NFKB1: variants seen among roughly 807,000 people sequenced by gnomAD.
The protein encoded by NFKB1 is nuclear factor NF-kappa-B p105 subunit.
Under a neutral mutation model 105.1 loss-of-function variants are expected in NFKB1, and 9 were observed. That is an observed-to-expected ratio of 0.09 (90% CI 0.05 to 0.15). The LOEUF (loss-of-function observed/expected upper bound fraction) is 0.15. Among genes scored for constraint, NFKB1 ranks in the 10% least tolerant of loss-of-function variants. The probability of loss-of-function intolerance (pLI) is 1.00; values close to 1 mark genes in which losing one functional copy is unlikely to be tolerated. For synonymous variants in NFKB1, 440 were observed against 442.2 expected, an observed-to-expected ratio of 1.00 and a Z score of 0.06; for missense variants, 830 against 1,203.7, an observed-to-expected ratio of 0.69 and a Z score of 4.59.
chr4:102,599,072 A>G (rs985117095), intron 15 of NFKB1, among the ~76,000 whole-genome samples: 2 of 152,196 alleles, frequency 1.3e-5, no homozygotes, highest in African/African-American at 2.4e-5. Flanking sequence ...AAAATATAAT[A>G]AAGAAAAATA....
rs1188585068 is a variant in NFKB1 at position 102,613,578 on chromosome 4, A to C, written c.2746A>C (p.Ile916Leu). 2 of 1,611,002 alleles carry C rather than the reference A, an allele frequency of 1.2e-6. No homozygotes were observed. The highest frequency in any genetic ancestry group is 1.7e-6 in the Non-Finnish European group (2 of 1,179,036). Residue 916 changes from isoleucine (I) to leucine (L), a missense_variant, in exon 23 of 24, where the codon ATA becomes CTA. Around this residue, in one of 8 missense-constraint regions of NFKB1, gnomAD observed 418 missense variants for 575.3 expected, o/e 0.73. Transcript: ENST00000226574. The part of the protein sequence containing the change: ...PLSPASTRQQ[I>L]DELRDSDSVC... ...CTCGCCTGCCTCCACAAGGCAGCAAATAGGTAAAAAAAAAGACAAAAGACA... is the reference window on the plus strand; with the variant it reads ...CTCGCCTGCCTCCACAAGGCAGCAACTAGGTAAAAAAAAAGACAAAAGACA...
At position 102,509,871 on chromosome 4, in the gene NFKB1, A is replaced by G. The variant is rs570356352; in HGVS notation, c.-8+8083A>G. ...GCTTCTAACCCATCGTTCATTTCGC[A>G]TAATGGTCAGCTTTCTAAAGTGTAA... is the stretch of plus-strand genomic sequence containing the variant. On this transcript the variant is annotated intron_variant, in intron 1 of 23. Transcript: ENST00000226574. Among the ~76,000 whole-genome samples, 10 of 152,258 alleles carry G rather than the reference A, an allele frequency of 6.6e-5. No homozygotes were observed. The East Asian group carries it at 1.7e-3, about 26-fold the overall frequency.
chr4:102,537,696 A>G lies in NFKB1; in HGVS notation c.160-162A>G, dbSNP rs1741736384. 7.9e-6 allele frequency: 4 copies of G among 509,532 alleles called. No individual in the cohort carries two copies. The East Asian group carries it at 1.3e-4, about 17-fold the overall frequency. The allele number at this position is 509,532 out of a possible 1,614,324, so 31.6% of individuals were successfully genotyped here. On this transcript the variant is annotated intron_variant, in intron 4 of 23. Transcript: ENST00000226574. Reference sequence around the variant, plus strand: ...TAATACCATTTTTCGTAGTAAGATTACGGGAAAAGTGATTCTTGTTTACGG... The same window carrying G: ...TAATACCATTTTTCGTAGTAAGATTGCGGGAAAAGTGATTCTTGTTTACGG...
chr4:102,520,789 T>G (rs1272700404), intron 1 of NFKB1, among the ~76,000 whole-genome samples: 1 of 152,218 alleles, frequency 6.6e-6, no homozygotes, highest in Non-Finnish European at 1.5e-5. Context: ...ATTTTTCTAT[T>G]GTATTTCTTA....
chr4:102,527,770 G>A (rs548482962), intron 2 of NFKB1, among the ~76,000 whole-genome samples: 6 of 152,168 alleles, frequency 3.9e-5, no homozygotes, highest in African/African-American at 1.4e-4. Flanking sequence ...ACAATTAAGG[G>A]CGAACTAACC....
At chr4:102,518,394 CT>C (rs1304606467) in intron 1 of NFKB1, among the ~76,000 whole-genome samples, 1 of 152,084 alleles carries the variant, frequency 6.6e-6, no homozygotes, top group East Asian at 1.9e-4. Context: ...ATTGAGTAAA[CT>C]AATAGAGTAA....
At chr4:102,563,979 C>T (rs571613379) in intron 5 of NFKB1, among the ~76,000 whole-genome samples, 3 of 151,976 alleles carry the variant, frequency 2.0e-5, no homozygotes, top group African/African-American at 4.8e-5. Flanking sequence ...CCACCATGCC[C>T]GGCTAATATT....
Position 102,601,949 on chromosome 4 carries a change from C to T in NFKB1, c.1752+940C>T, listed in dbSNP as rs139091884. Among the ~76,000 whole-genome samples, 9 of 152,266 alleles carry T rather than the reference C, an allele frequency of 5.9e-5. No individual in the cohort carries two copies. In the East Asian group the frequency reaches 1.7e-3, roughly 29 times the overall value. On this transcript the variant is annotated intron_variant, in intron 16 of 23. Transcript: ENST00000226574. ...CACTTCTTACCTTTCCATTTGTCTC[C>T]TTCCCTTCATCGACCCGAAGCATCT... is the stretch of plus-strand genomic sequence containing the variant.
intron 6 of NFKB1, among the ~76,000 whole-genome samples, chr4:102,572,507 TAAAAC>T (rs1301392920): frequency 3.9e-5 from 6 of 152,120 alleles, no homozygotes; most frequent in Middle Eastern, 3.4e-3. Flanking sequence ...AGGGCAAAAA[TAAAAC>T]AAAAAAGAAA....
chr4:102,516,506 T>C (rs1740195928), intron 1 of NFKB1, among the ~76,000 whole-genome samples: 1 of 152,144 alleles, frequency 6.6e-6, no homozygotes, highest in Non-Finnish European at 1.5e-5. Flanking sequence ...AGTTTATTGG[T>C]ACTTTCTTCT....
chr4:102,613,008 T>A (rs1728568855), intron 22 of NFKB1, among the ~76,000 whole-genome samples: 1 of 144,908 alleles, frequency 6.9e-6, no homozygotes, highest in African/African-American at 2.8e-5. Flanking sequence ...ACCCGGGGAT[T>A]TTTTTTTTTC....
intron 23 of NFKB1, among the ~76,000 whole-genome samples, chr4:102,616,217 A>G (rs921913712): frequency 1.3e-5 from 2 of 152,118 alleles, no homozygotes; most frequent in Non-Finnish European, 2.9e-5. Context: ...ATGTGAAAGC[A>G]TTTGGCTAAT....
chr4:102,535,884 T>C (rs3796408), intron 4 of NFKB1, among the ~76,000 whole-genome samples: 1 of 147,778 alleles, frequency 6.8e-6, no homozygotes. Flanking sequence ...TGTGTGGTTT[T>C]GGGGTTTTTT....
intron 5 of NFKB1, among the ~76,000 whole-genome samples, chr4:102,542,612 A>G (rs569462492): frequency 2.4e-4 from 36 of 152,240 alleles, no homozygotes; most frequent in African/African-American, 8.2e-4. Flanking sequence ...GCTACTCTGA[A>G]CTTTCACTCC....
rs1268185414 is a variant in NFKB1, at chr4:102,574,750, T to G, written c.408-2126T>G. On this transcript the variant is annotated intron_variant, in intron 6 of 23. Transcript: ENST00000226574. ...CATTTCTTCATGTATTTTAGATATT[T>G]AAGGTTCAAACCAGTCTGTTTTACT... Among the ~76,000 whole-genome samples, 4 of 152,310 alleles carry G rather than the reference T, an allele frequency of 2.6e-5. No individual in the cohort carries two copies. The East Asian group carries it at 7.7e-4, about 29-fold the overall frequency.
chr4:102,525,885 G>T (rs537369991), intron 2 of NFKB1, among the ~76,000 whole-genome samples: 21 of 152,144 alleles, frequency 1.4e-4, no homozygotes, highest in Non-Finnish European at 2.9e-4. Context: ...AGTTCTGGGG[G>T]CTAGAAGTAT....
chr4:102,607,664 G>T lies in NFKB1; in HGVS notation c.2140G>T (p.Asp714Tyr). 1 of 1,614,106 alleles carries T rather than the reference G, an allele frequency of 6.2e-7. No homozygotes were observed. The highest frequency in any genetic ancestry group is 8.5e-7 in the Non-Finnish European group (1 of 1,180,002). The change falls in exon 19 of 24, where the codon GAC (aspartate) becomes TAC (tyrosine). Residue 714 changes from aspartate to tyrosine, a missense_variant. Physicochemically the swap from Asp to Tyr is radical, Grantham distance 160. Coordinates refer to ENST00000226574, the MANE Select transcript of NFKB1 (RefSeq NM_003998.4). ...TGGATTGTAGGGTGATGCCCATGTG[G>T]ACAGTACTACCTACGATGGAACCAC... ...CLLLEGDAHV[D>Y]STTYDGTTPL... is the part of the protein sequence containing the mutation.
intron 6 of NFKB1, among the ~76,000 whole-genome samples, chr4:102,573,138 G>A (rs536594591): frequency 1.3e-5 from 2 of 152,042 alleles, no homozygotes; most frequent in Admixed American, 6.6e-5. Context: ...GAGAAACCCC[G>A]TCTCTACTAA....
At chr4:102,540,340 G>T (rs1229019037) in intron 5 of NFKB1, among the ~76,000 whole-genome samples, 1 of 152,146 alleles carries the variant, frequency 6.6e-6, no homozygotes. Context: ...CTCATGTAGA[G>T]GTTTCATCTA....
Sources: allele counts gnomAD v4.1 joint callset (sites outside exome capture counted in the v4.1 genomes callset), GRCh38; gene constraint gnomAD v4.1.1; regional missense constraint gnomAD v4.1.1; transcripts MANE v1.5; gene names NCBI Gene and HGNC (gene_info 2026-07-23, HGNC 2026-07-21).